Variants in C12orf56 observed in about 807,000 individuals in gnomAD.
C12orf56 encodes the protein uncharacterized protein C12orf56.
In C12orf56, 71 loss-of-function variants were observed where a neutral mutation model predicts 69.9. That is an observed-to-expected ratio of 1.02 (90% CI 0.84 to 1.24). The LOEUF is 1.24. Ranked by LOEUF, C12orf56 falls within the 50% of genes most tolerant of loss-of-function variation. The probability of loss-of-function intolerance (pLI) is 0.00; values close to 1 mark genes in which losing one functional copy is unlikely to be tolerated. For missense variants in C12orf56, 732 were observed against 738.5 expected, an observed-to-expected ratio of 0.99 and a Z score of 0.10; for synonymous variants, 276 against 274.1, an observed-to-expected ratio of 1.01 and a Z score of -0.07.
At chr12:64,350,649 C>T (rs2039210129) in intron 2 of C12orf56, among the ~76,000 whole-genome samples, 2 of 152,178 alleles carry the variant, frequency 1.3e-5, no homozygotes, top group Admixed American at 6.5e-5. Context: ...ATCCCATGCT[C>T]TTGGGACCTC....
chr12:64,350,153 G>A (rs1044692618), intron 2 of C12orf56, among the ~76,000 whole-genome samples: 1 of 151,692 alleles, frequency 6.6e-6, no homozygotes, highest in East Asian at 1.9e-4. Context: ...GGAAGGGTAG[G>A]AGGGAGGTGA....
chr12:64,320,471 T>C (rs2038756874), intron 3 of C12orf56, among the ~76,000 whole-genome samples: 1 of 152,170 alleles, frequency 6.6e-6, no homozygotes, highest in Admixed American at 6.5e-5. Context: ...CCTGAGATTT[T>C]TTAAATGATG....
chr12:64,339,389 G>T (rs1477837249), intron 2 of C12orf56, among the ~76,000 whole-genome samples: 1 of 152,034 alleles, frequency 6.6e-6, no homozygotes, highest in Non-Finnish European at 1.5e-5. Flanking sequence ...TATTATAAAG[G>T]ATTATATTCA....
At chr12:64,335,722 A>G (rs529658442) in intron 2 of C12orf56, among the ~76,000 whole-genome samples, 1 of 152,332 alleles carries the variant, frequency 6.6e-6, no homozygotes, top group South Asian at 2.1e-4. Context: ...CTATATATTC[A>G]GAAAAGTTGG....
In C12orf56 at chr12:64,390,356, G is replaced by T; in HGVS notation, c.210C>A (p.Ile70=). ...CGTCCCGCAGAGCCACTACCCGCCG[G>T]ATGGACTTGGGCGGGTTCTCGGTTA... is the stretch of plus-strand genomic sequence containing the variant. ...VYLTENPPKS[I]RRVVALRDVV... Residue 70 remains isoleucine, a synonymous_variant, in exon 1 of 13, where the codon ATC becomes ATA. Transcript: ENST00000543942. 1.2e-6 allele frequency: 2 copies of T among 1,612,670 alleles called. No homozygotes were observed. Among genetic ancestry groups the T allele is most frequent in the Middle Eastern group, 1.7e-4 (1 of 6,054 alleles).
At chr12:64,314,043 C>CAAAAAA (rs762340003) in intron 4 of C12orf56, among the ~76,000 whole-genome samples, 1 of 67,088 alleles carries the variant, frequency 1.5e-5, no homozygotes, top group Non-Finnish European at 2.8e-5. Context: ...AACTCTGTCT[C>CAAAAAA]AAAAAAAAAA....
At chr12:64,374,564 G>A (rs995664302) in intron 1 of C12orf56, among the ~76,000 whole-genome samples, 2 of 143,430 alleles carry the variant, frequency 1.4e-5, no homozygotes, top group African/African-American at 2.6e-5. Flanking sequence ...TTTTTTTTCC[G>A]AGATGGAGTC....
Position 64,390,347 on chromosome 12 carries a change from T to C in C12orf56, c.219A>G (p.Val73=). The change falls in exon 1 of 13, where the codon GTA becomes GTG. Residue 73 remains valine (V), a synonymous_variant. Transcript: ENST00000543942. ...TENPPKSIRR[V]VALRDVVAID... ...TGGCCACGACGTCCCGCAGAGCCAC[T>C]ACCCGCCGGATGGACTTGGGCGGGT... 6.2e-7 allele frequency: 1 copy of C among 1,611,812 alleles called. No homozygotes were observed. The highest frequency in any genetic ancestry group is 1.1e-5 in the South Asian group (1 of 91,020).
chr12:64,304,314 G>C (rs1341171254), intron 5 of C12orf56, among the ~76,000 whole-genome samples: 1 of 152,086 alleles, frequency 6.6e-6, no homozygotes, highest in Non-Finnish European at 1.5e-5. Context: ...AAGCTGAGAG[G>C]TTCTCCCTGA....
chr12:64,378,715 G>A (rs555144227), intron 1 of C12orf56, among the ~76,000 whole-genome samples: 14 of 152,212 alleles, frequency 9.2e-5, no homozygotes, highest in African/African-American at 2.6e-4. Context: ...GATTACAGGC[G>A]TGGGCCACCA....
chr12:64,368,596 G>C (rs2039529159), intron 1 of C12orf56, among the ~76,000 whole-genome samples: 1 of 152,122 alleles, frequency 6.6e-6, no homozygotes, highest in Non-Finnish European at 1.5e-5. Context: ...CTGAAGGAAA[G>C]CCTTCAGGCA....
chr12:64,284,564 G>T, intron 8 of C12orf56, 100 bp downstream of exon 8: 1 of 779,832 alleles, frequency 1.3e-6, no homozygotes, highest in South Asian at 2.1e-5. Flanking sequence ...GAAGGGTGTT[G>T]AACAGGGAAG....
chr12:64,305,600 C>G (rs987071375), intron 5 of C12orf56, among the ~76,000 whole-genome samples: 1 of 152,158 alleles, frequency 6.6e-6, no homozygotes, highest in Non-Finnish European at 1.5e-5. Context: ...CTGGGCTGGT[C>G]TCAAACTCCT....
chr12:64,357,438 G>A (rs1198184762), intron 1 of C12orf56, among the ~76,000 whole-genome samples: 1 of 150,414 alleles, frequency 6.6e-6, no homozygotes, highest in Non-Finnish European at 1.5e-5. Context: ...TTTGAGACAG[G>A]GTTGAGCTCT....
intron 8 of C12orf56, among the ~76,000 whole-genome samples, 160 bp from the exon 9 acceptor site, chr12:64,277,963 A>T (rs74097979): frequency 0.019 from 2,875 of 152,294 alleles, 92 homozygotes; most frequent in African/African-American, 0.065. Context: ...CAAATGAATA[A>T]CTAGAGATAA....
At chr12:64,308,930 AAGAAAGAAAGAAGAAAG>A (rs2038560117) in intron 5 of C12orf56, among the ~76,000 whole-genome samples, 1 of 42,768 alleles carries the variant, frequency 2.3e-5, no homozygotes, top group African/African-American at 7.8e-5. Flanking sequence ...GAAAGAAAGA[AAGAAAGAAAGAAGAAAG>A]AAAGAAAGAA....
At chr12:64,331,618 C>T (rs1439442318) in intron 2 of C12orf56, among the ~76,000 whole-genome samples, 3 of 152,134 alleles carry the variant, frequency 2.0e-5, no homozygotes, top group African/African-American at 4.8e-5. Flanking sequence ...GACGGGAGTG[C>T]CCTAGTCCCA....
chr12:64,386,471 A>T (rs977600628), intron 1 of C12orf56, among the ~76,000 whole-genome samples: 1 of 150,292 alleles, frequency 6.7e-6, no homozygotes, highest in Admixed American at 6.7e-5. Flanking sequence ...ATCTTGGCTC[A>T]CCGCAACCTC....
At chr12:64,318,509 G>T in intron 4 of C12orf56, 66 bp downstream of exon 4, 2 of 1,342,792 alleles carry the variant, frequency 1.5e-6, no homozygotes, top group East Asian at 2.5e-5. Context: ...AGGGAGGAGG[G>T]CTTGTTTGCT....
Sources: allele counts gnomAD v4.1 joint callset (sites outside exome capture counted in the v4.1 genomes callset), GRCh38; gene constraint gnomAD v4.1.1; transcripts MANE v1.5; gene names NCBI Gene and HGNC (gene_info 2026-07-23, HGNC 2026-07-21).